Variants in GRID2 observed in about 807,000 individuals in gnomAD.
GRID2 encodes glutamate receptor ionotropic, delta-2.
Under a neutral mutation model 114.8 loss-of-function variants are expected in GRID2, and 33 were observed. The observed-to-expected ratio is 0.29, with a 90% CI of 0.22 to 0.38. GRID2 has a LOEUF of 0.38. Among genes scored for constraint, GRID2 ranks in the 10% least tolerant of loss-of-function variants. The probability of loss-of-function intolerance (pLI) is 1.00; values close to 1 mark genes in which losing one functional copy is unlikely to be tolerated. For synonymous variants in GRID2, 505 were observed against 449.9 expected, an observed-to-expected ratio of 1.12 and a Z score of -1.55; for missense variants, 1,184 against 1,257.7, an observed-to-expected ratio of 0.94 and a Z score of 0.89.
At chr4:92,369,047 AT>A (rs1728999052) in intron 1 of GRID2, among the ~76,000 whole-genome samples, 1 of 152,062 alleles carries the variant, frequency 6.6e-6, no homozygotes, top group Non-Finnish European at 1.5e-5. Flanking sequence ...ATCTGATATA[AT>A]CGCCCTAAAA....
At chr4:93,136,619 T>C (rs778050674) in intron 4 of GRID2, among the ~76,000 whole-genome samples, 1 of 152,288 alleles carries the variant, frequency 6.6e-6, no homozygotes, top group Non-Finnish European at 1.5e-5. Flanking sequence ...ATAATTTCAA[T>C]AAATTGTATA....
intron 13 of GRID2, among the ~76,000 whole-genome samples, chr4:93,589,673 T>G (rs1303402733): frequency 6.6e-6 from 1 of 151,676 alleles, no homozygotes; most frequent in African/African-American, 2.4e-5. Flanking sequence ...CCACCAACAG[T>G]GTAAAAGTGT....
At chr4:92,573,258 A>G (rs923257170) in intron 1 of GRID2, among the ~76,000 whole-genome samples, 3 of 151,696 alleles carry the variant, frequency 2.0e-5, no homozygotes, top group Admixed American at 2.0e-4. Flanking sequence ...ATTTTTTTCA[A>G]AAAAACAGCT....
intron 2 of GRID2, among the ~76,000 whole-genome samples, chr4:92,885,819 T>C (rs1040924912): frequency 6.6e-6 from 1 of 152,204 alleles, no homozygotes; most frequent in Admixed American, 6.5e-5. Flanking sequence ...CCGTTTATAT[T>C]AGACTGTTTG....
chr4:92,812,564 C>T (rs996192227), intron 2 of GRID2, among the ~76,000 whole-genome samples: 25 of 151,824 alleles, frequency 1.6e-4, no homozygotes, highest in African/African-American at 6.0e-4. Context: ...TATTTAAATA[C>T]CAATAATTAA....
chr4:92,632,728 G>T (rs1472796463), intron 2 of GRID2, among the ~76,000 whole-genome samples: 3 of 151,828 alleles, frequency 2.0e-5, no homozygotes, highest in Admixed American at 6.6e-5. Flanking sequence ...GTGAAGAAAG[G>T]GAAGGAAGGG....
intron 8 of GRID2, among the ~76,000 whole-genome samples, chr4:93,272,592 C>G (rs1029323988): frequency 6.6e-6 from 1 of 152,162 alleles, no homozygotes; most frequent in African/African-American, 2.4e-5. Flanking sequence ...GAACTATTCA[C>G]CGTGAATGCT....
intron 14 of GRID2, among the ~76,000 whole-genome samples, chr4:93,702,371 A>T (rs1727588424): frequency 6.6e-6 from 1 of 152,134 alleles, no homozygotes; most frequent in African/African-American, 2.4e-5. Flanking sequence ...CTTTTTCTCT[A>T]AACATTGTGT....
intron 1 of GRID2, among the ~76,000 whole-genome samples, chr4:92,516,615 C>T (rs928806634): frequency 4.6e-5 from 7 of 151,894 alleles, no homozygotes; most frequent in African/African-American, 1.7e-4. Context: ...AGTCATGTAG[C>T]TCCTTAATGC....
At position 92,695,115 on chromosome 4, in the gene GRID2, C is replaced by T. The variant is rs537493116; in HGVS notation, c.244+104829C>T. 9.2e-5 allele frequency among the ~76,000 whole-genome samples: 14 copies of T among 151,998 alleles called. No homozygotes were observed. In the South Asian group the frequency reaches 1.2e-3, roughly 14 times the overall value. Reference sequence around the variant, plus strand: ...CCTAGTAGCTGGGAATACAGGTGCACACTACCACACCTAGCTAATTTTTAT... The same window carrying T: ...CCTAGTAGCTGGGAATACAGGTGCATACTACCACACCTAGCTAATTTTTAT... On this transcript the variant is annotated intron_variant, in intron 2 of 15. Coordinates refer to ENST00000282020, the MANE Select transcript of GRID2 (RefSeq NM_001510.4).
intron 13 of GRID2, among the ~76,000 whole-genome samples, chr4:93,538,076 T>G (rs1378913971): frequency 6.6e-6 from 1 of 151,772 alleles, no homozygotes; most frequent in Non-Finnish European, 1.5e-5. Flanking sequence ...TTTTTATTCG[T>G]TTATTAAAAA....
intron 2 of GRID2, among the ~76,000 whole-genome samples, chr4:92,780,810 T>G (rs1739035050): frequency 6.6e-6 from 1 of 151,434 alleles, no homozygotes; most frequent in African/African-American, 2.5e-5. Flanking sequence ...GATTAAAACT[T>G]GCTTATATGC....
chr4:93,128,051 A>AAAAAC (rs1734454047), intron 4 of GRID2, among the ~76,000 whole-genome samples: 1 of 130,504 alleles, frequency 7.7e-6, no homozygotes, highest in African/African-American at 3.4e-5. Context: ...AAAAAAAAAA[A>AAAAAC]AAAAAAAACA....
chr4:92,624,918 A>G (rs1423454190), intron 2 of GRID2, among the ~76,000 whole-genome samples: 1 of 151,822 alleles, frequency 6.6e-6, no homozygotes, highest in East Asian at 1.9e-4. Flanking sequence ...ATAAAGACAT[A>G]TTGTGATTTC....
intron 2 of GRID2, among the ~76,000 whole-genome samples, chr4:92,942,014 G>T (rs528774242): frequency 1.3e-5 from 2 of 152,142 alleles, no homozygotes; most frequent in African/African-American, 2.4e-5. Flanking sequence ...TGGAATAGGT[G>T]TGGTGTGGTC....
At chr4:93,673,305 T>C (rs1724587341) in intron 14 of GRID2, among the ~76,000 whole-genome samples, 1 of 152,216 alleles carries the variant, frequency 6.6e-6, no homozygotes, top group Non-Finnish European at 1.5e-5. Flanking sequence ...AAAAATCTAC[T>C]GTAAACATTT....
At chr4:93,293,234 C>T (rs1753932961) in intron 8 of GRID2, among the ~76,000 whole-genome samples, 1 of 152,166 alleles carries the variant, frequency 6.6e-6, no homozygotes, top group Non-Finnish European at 1.5e-5. Flanking sequence ...CACTAAGTCA[C>T]TACTGTGCTG....
At chr4:92,776,914 G>C (rs2149355926) in intron 2 of GRID2, among the ~76,000 whole-genome samples, 1 of 152,028 alleles carries the variant, frequency 6.6e-6, no homozygotes. Context: ...TTATGAAAGA[G>C]AGCCAGGGAA....
intron 2 of GRID2, among the ~76,000 whole-genome samples, chr4:92,767,675 T>A (rs901603922): frequency 6.6e-6 from 1 of 151,938 alleles, no homozygotes; most frequent in African/African-American, 2.4e-5. Flanking sequence ...CGCTTGAACC[T>A]GGGAGGTGGA....
Sources: allele counts gnomAD v4.1 joint callset (sites outside exome capture counted in the v4.1 genomes callset), GRCh38; gene constraint gnomAD v4.1.1; transcripts MANE v1.5; gene names NCBI Gene and HGNC (gene_info 2026-07-23, HGNC 2026-07-21).